The following GBF1 variants were observed in gnomAD, a reference collection of about 807,000 sequenced individuals.
GBF1 encodes Golgi-specific brefeldin A-resistance guanine nucleotide exchange factor 1.
GBF1 carries 114 observed loss-of-function variants against 210.5 expected under a neutral mutation model. That is an observed-to-expected ratio of 0.54 (90% CI 0.47 to 0.63). GBF1 has a LOEUF of 0.63. GBF1 is among the 30% of genes least tolerant of loss of function. GBF1 has a pLI of 0.00. For synonymous variants in GBF1, 850 were observed against 889.2 expected, an observed-to-expected ratio of 0.96 and a Z score of 0.78; for missense variants, 1,851 against 2,357.7, an observed-to-expected ratio of 0.79 and a Z score of 4.45.
In GBF1 at chr10:102,302,933, G is replaced by A. The variant is rs2077512237; in HGVS notation, c.164-41118G>A. Among the ~76,000 whole-genome samples the A allele has an allele frequency of 1.4e-5, 2 of 145,292 alleles. 1 individual carries two copies. Among genetic ancestry groups the A allele is most frequent in the South Asian group, 4.4e-4 (2 of 4,562 alleles). ...ACTCTGGTACAAAATGTACATCTAT[G>A]TTTTCTTTCAAGAGTTTTAGCTTTT... On this transcript the variant is annotated intron_variant, in intron 3 of 39. Transcript: ENST00000369983.
rs2058960557 is a variant in GBF1 at position 102,351,354 on chromosome 10, G to A, written c.394G>A (p.Val132Ile). 1 of 1,594,020 alleles carries A rather than the reference G, an allele frequency of 6.3e-7. No individual in the cohort carries two copies. The highest frequency in any genetic ancestry group is 2.2e-5 in the East Asian group (1 of 44,772). ...VGTDPASDEV[V>I]LMKILQVLRT... ...CACGGATCCTGCCAGTGATGAAGTT[G>A]TCCTGATGAAAATCCTTCAGGTAAG... The change falls in exon 5 of 40, where the codon GTC becomes ATC. Residue 132 changes from valine (V) to isoleucine (I), a missense_variant. By Grantham distance (29) the Val-to-Ile change is conservative (BLOSUM62 3). Transcript: ENST00000369983.
intron 3 of GBF1, among the ~76,000 whole-genome samples, chr10:102,278,135 G>C (rs919821983): frequency 2.0e-5 from 3 of 152,074 alleles, no homozygotes; most frequent in Non-Finnish European, 4.4e-5. Flanking sequence ...GCGTGTGCCT[G>C]TAGACCCAGC....
At position 102,375,499 on chromosome 10, in the gene GBF1, C is replaced by A. The variant is rs780955712; in HGVS notation, c.3801C>A (p.Leu1267=). 7.4e-6 allele frequency: 12 copies of A among 1,614,038 alleles called. No individual in the cohort carries two copies. The South Asian group carries it at 1.1e-4, about 15-fold the overall frequency. Residue 1267 remains leucine, a synonymous_variant, in exon 30 of 40, where the codon CTC becomes CTA. Coordinates refer to ENST00000369983, the MANE Select transcript of GBF1 (RefSeq NM_001377137.1). ...ACTCAGGTGATGACTGGGCCACACT[C>A]TTCACACTGCTGGAGTGCATCGGCT... is the stretch of plus-strand genomic sequence containing the variant. ...NIHSGDDWAT[L]FTLLECIGSG... is the part of the protein sequence containing the mutation.
At chr10:102,315,796 C>A (rs1402004456) in intron 3 of GBF1, among the ~76,000 whole-genome samples, 1 of 152,098 alleles carries the variant, frequency 6.6e-6, no homozygotes, top group East Asian at 1.9e-4. Flanking sequence ...GGGTTGGGGA[C>A]CCCTGCTGTA....
At position 102,344,178 on chromosome 10, in the gene GBF1, C is replaced by G; in HGVS notation, c.291C>G (p.Leu97=). ...TSVNKFLSYA[L]IDPTHEGTAE... ...TCAACAAGTTCCTGTCCTATGCACTCATAGGTAAGAGCTCAGGCTTTGTTG... is the reference window on the plus strand; with the variant it reads ...TCAACAAGTTCCTGTCCTATGCACTGATAGGTAAGAGCTCAGGCTTTGTTG... The change falls in exon 4 of 40, where the codon CTC becomes CTG. Residue 97 remains leucine (L), a synonymous_variant. Transcript: ENST00000369983. 6.2e-7 allele frequency: 1 copy of G among 1,613,918 alleles called. No individual in the cohort carries two copies. Among genetic ancestry groups the G allele is most frequent in the Non-Finnish European group, 8.5e-7 (1 of 1,179,790 alleles).
At chr10:102,317,713 C>A (rs2055952568) in intron 3 of GBF1, among the ~76,000 whole-genome samples, 1 of 152,138 alleles carries the variant, frequency 6.6e-6, no homozygotes, top group Non-Finnish European at 1.5e-5. Flanking sequence ...TTAGCGCACG[C>A]AAACACAATA....
chr10:102,334,736 C>CTAG (rs1327088513), intron 3 of GBF1, among the ~76,000 whole-genome samples: 1 of 151,998 alleles, frequency 6.6e-6, no homozygotes, highest in Admixed American at 6.6e-5. Flanking sequence ...GTAGTCCCAG[C>CTAG]TACTCGGGAG....
intron 7 of GBF1, 95 bp from the exon 8 acceptor site, chr10:102,353,505 T>C: frequency 1.2e-6 from 1 of 827,348 alleles, no homozygotes; most frequent in Non-Finnish European, 2.2e-6. Flanking sequence ...ACACAGGGCA[T>C]GCTCTGGCTC....
intron 3 of GBF1, among the ~76,000 whole-genome samples, chr10:102,342,826 T>C (rs765107589): frequency 2.0e-5 from 3 of 152,248 alleles, no homozygotes; most frequent in Non-Finnish European, 2.9e-5. Flanking sequence ...AAATTTAAAT[T>C]CTGGTCAGAG....
intron 8 of GBF1, among the ~76,000 whole-genome samples, chr10:102,354,387 C>G (rs1173640709): frequency 6.6e-6 from 1 of 152,218 alleles, no homozygotes; most frequent in African/African-American, 2.4e-5. Flanking sequence ...CATGTCTCCT[C>G]AACAAACTGG....
At chr10:102,292,197 T>G (rs1389080471) in intron 3 of GBF1, among the ~76,000 whole-genome samples, 1 of 151,850 alleles carries the variant, frequency 6.6e-6, no homozygotes, top group Non-Finnish European at 1.5e-5. Context: ...CCCCTAGAAC[T>G]TTTTCTAAGG....
At chr10:102,301,937 G>A (rs1015897261) in intron 3 of GBF1, among the ~76,000 whole-genome samples, 11 of 152,170 alleles carry the variant, frequency 7.2e-5, no homozygotes, top group African/African-American at 2.4e-4. Flanking sequence ...AGGTTGTAGC[G>A]AGCCGAGATC....
Position 102,375,601 on chromosome 10 carries a change from GGA to G in GBF1, c.3886+20_3886+21del. 1.3e-6 allele frequency: 2 copies of G among 1,525,176 alleles called. No individual in the cohort carries two copies. The highest frequency in any genetic ancestry group is 1.8e-6 in the Non-Finnish European group (2 of 1,100,852). 94.5% of individuals were successfully genotyped at this position (1,525,176 alleles called of 1,614,324 possible). ...CTGATGCCGGTAAGCCCTTTCCCAG[GGA>G]GACTCAGGCTGGCAGATAAACAGTT... On this transcript the variant is annotated intron_variant, in intron 30 of 39. Transcript: ENST00000369983.
chr10:102,330,761 C>T (rs1322637653), intron 3 of GBF1, among the ~76,000 whole-genome samples: 1 of 152,070 alleles, frequency 6.6e-6, no homozygotes, highest in Non-Finnish European at 1.5e-5. Flanking sequence ...GTTGTTCTGG[C>T]AATGAAATGG....
chr10:102,304,773 CA>C (rs567944759), intron 3 of GBF1, among the ~76,000 whole-genome samples: 23 of 138,502 alleles, frequency 1.7e-4, no homozygotes, highest in Non-Finnish European at 3.0e-4. Flanking sequence ...GACTTCATCT[CA>C]AAAAAAAAAG....
chr10:102,356,066 A>G (rs1289244709), intron 8 of GBF1, among the ~76,000 whole-genome samples: 6 of 152,154 alleles, frequency 3.9e-5, no homozygotes, highest in Admixed American at 2.0e-4. Flanking sequence ...GGCTGTTGCT[A>G]TGTTACTAAG....
intron 22 of GBF1, 125 bp from the exon 23 acceptor site, chr10:102,368,608 TAAACAG>T (rs1318775452): frequency 2.2e-5 from 18 of 825,610 alleles, no homozygotes; most frequent in Non-Finnish European, 3.6e-5. Context: ...GGCTCAGTCT[TAAACAG>T]AAACAAAATT....
intron 1 of GBF1, among the ~76,000 whole-genome samples, chr10:102,250,935 C>T (rs1009832395): frequency 3.3e-5 from 5 of 151,270 alleles, no homozygotes; most frequent in African/African-American, 9.7e-5. Flanking sequence ...CCAGCCTAGA[C>T]GACAAGAGCG....
At chr10:102,278,308 G>A (rs2075177084) in intron 3 of GBF1, among the ~76,000 whole-genome samples, 1 of 150,222 alleles carries the variant, frequency 6.7e-6, no homozygotes, top group African/African-American at 2.5e-5. Flanking sequence ...GGAGTTATCT[G>A]TAACTCCATA....
Sources: gnomAD v4.1 joint callset for allele counts (sites outside exome capture counted in the v4.1 genomes callset) on GRCh38, gnomAD v4.1.1 for gene constraint, MANE v1.5 for transcripts, NCBI Gene and HGNC (gene_info 2026-07-23, HGNC 2026-07-21) for gene names.